PLXDC2: variants seen among roughly 807,000 people sequenced by gnomAD.
PLXDC2 encodes the protein plexin domain-containing protein 2.
A neutral mutation model predicts 68.9 loss-of-function variants in PLXDC2; 40 were observed. The observed-to-expected ratio is 0.58, with a 90% CI of 0.45 to 0.76. The LOEUF is 0.76. Ranked by LOEUF, PLXDC2 falls within the 30% of genes least tolerant of loss-of-function variation. PLXDC2 has a pLI of 0.00. For missense variants in PLXDC2, 644 were observed against 661.9 expected (o/e 0.97, Z 0.30); for synonymous variants, 243 against 234.2 (o/e 1.04, Z -0.34).
intron 1 of PLXDC2, among the ~76,000 whole-genome samples, chr10:19,927,300 A>G (rs1192761850): frequency 6.6e-6 from 1 of 152,162 alleles, no homozygotes; most frequent in East Asian, 1.9e-4. Context: ...GACAACACCT[A>G]GGAGATCCCG....
intron 4 of PLXDC2, among the ~76,000 whole-genome samples, chr10:20,089,169 CGTGTGTGTGT>C (rs34167804): frequency 0.075 from 10,657 of 142,608 alleles, 790 homozygotes; most frequent in African/African-American, 0.19. Flanking sequence ...CCTGTATATA[CGTGTGTGTGT>C]GTGTGTGTGT....
At chr10:20,248,307 T>A (rs547999955) in intron 13 of PLXDC2, among the ~76,000 whole-genome samples, 2 of 152,228 alleles carry the variant, frequency 1.3e-5, no homozygotes, top group South Asian at 4.1e-4. Flanking sequence ...TGTCCATAGG[T>A]GTGGAGTGTT....
intron 10 of PLXDC2, among the ~76,000 whole-genome samples, chr10:20,212,620 T>C (rs1835083829): frequency 6.6e-6 from 1 of 152,176 alleles, no homozygotes; most frequent in African/African-American, 2.4e-5. Flanking sequence ...AATGCTGTTT[T>C]AAAAACTATT....
chr10:19,943,320 C>G (rs1462990616), intron 1 of PLXDC2, among the ~76,000 whole-genome samples: 5 of 151,860 alleles, frequency 3.3e-5, no homozygotes, highest in Non-Finnish European at 5.9e-5. Flanking sequence ...GTAATAGATG[C>G]TAAATTTAAG....
chr10:20,285,934 C>G lies in PLXDC2; in HGVS notation c.*6115C>G, dbSNP rs1483978378. On this transcript the variant is annotated 3_prime_UTR_variant, in exon 14 of 14. Coordinates refer to ENST00000377252, the MANE Select transcript of PLXDC2 (RefSeq NM_032812.9). ...TTCTTAAGGTTTTGATTAAGTTGATCTAGCCTCAACTTAAATTGTAATACA... is the reference window on the plus strand; with the variant it reads ...TTCTTAAGGTTTTGATTAAGTTGATGTAGCCTCAACTTAAATTGTAATACA... 6.6e-6 allele frequency: 1 copy of G among 152,196 alleles called. No homozygotes were observed. Among genetic ancestry groups the G allele is most frequent in the Non-Finnish European group, 1.5e-5 (1 of 68,034 alleles). The allele number at this position is 152,196 out of a possible 1,614,324, so 9.4% of individuals were successfully genotyped here.
intron 4 of PLXDC2, among the ~76,000 whole-genome samples, chr10:20,118,204 T>C (rs147738775): frequency 6.6e-6 from 1 of 152,060 alleles, no homozygotes; most frequent in African/African-American, 2.4e-5. Flanking sequence ...TTTTCTCAAA[T>C]AGGGTGAGTT....
At chr10:19,856,288 T>G (rs2131330822) in intron 1 of PLXDC2, among the ~76,000 whole-genome samples, 1 of 152,148 alleles carries the variant, frequency 6.6e-6, no homozygotes, top group African/African-American at 2.4e-5. Context: ...GCTTTTAGGC[T>G]TTGGCATGAT....
chr10:20,122,792 G>C lies in PLXDC2; in HGVS notation c.542-20503G>C, dbSNP rs1833717605. On this transcript the variant is annotated intron_variant, in intron 4 of 13. Transcript: ENST00000377252. ...TTGAAGGCGAGGTTAATTAAATCCT[G>C]TTGTGGGGTTTGAGGGCCGGAATTT... Among the ~76,000 whole-genome samples, 5 of 152,264 alleles carry C rather than the reference G, an allele frequency of 3.3e-5. No individual in the cohort carries two copies. The South Asian group carries it at 1.0e-3, about 32-fold the overall frequency.
chr10:20,066,690 A>C (rs2131705025), intron 3 of PLXDC2, among the ~76,000 whole-genome samples: 1 of 152,300 alleles, frequency 6.6e-6, no homozygotes, highest in African/African-American at 2.4e-5. Context: ...TAAAAAGAAA[A>C]CCTAATTGAA....
chr10:19,905,778 C>T (rs1025880552), intron 1 of PLXDC2, among the ~76,000 whole-genome samples: 5 of 151,986 alleles, frequency 3.3e-5, no homozygotes, highest in African/African-American at 7.2e-5. Context: ...TTCCTGGTGT[C>T]GTTGGATATA....
At chr10:19,936,840 T>C (rs953445090) in intron 1 of PLXDC2, among the ~76,000 whole-genome samples, 6 of 152,226 alleles carry the variant, frequency 3.9e-5, no homozygotes, top group African/African-American at 1.2e-4. Flanking sequence ...CTCATCTGCA[T>C]TGAGGATATG....
At chr10:19,864,504 C>A (rs942447287) in intron 1 of PLXDC2, among the ~76,000 whole-genome samples, 1 of 151,918 alleles carries the variant, frequency 6.6e-6, no homozygotes, top group Non-Finnish European at 1.5e-5. Flanking sequence ...ATTTGAAAAT[C>A]AAAAATGGAA....
At chr10:20,257,792 C>T (rs1216799224) in intron 13 of PLXDC2, among the ~76,000 whole-genome samples, 1 of 152,040 alleles carries the variant, frequency 6.6e-6, no homozygotes, top group African/African-American at 2.4e-5. Flanking sequence ...ATGTCCTTTT[C>T]ACAAATTTCT....
chr10:19,976,677 A>T (rs1834461851), intron 1 of PLXDC2, among the ~76,000 whole-genome samples: 1 of 151,712 alleles, frequency 6.6e-6, no homozygotes, highest in Non-Finnish European at 1.5e-5. Flanking sequence ...CAGTCTGGAA[A>T]CTCATCATTG....
chr10:20,093,921 G>A (rs995284492), intron 4 of PLXDC2, among the ~76,000 whole-genome samples: 3 of 151,860 alleles, frequency 2.0e-5, no homozygotes, highest in Admixed American at 6.6e-5. Context: ...GCGATCTGCC[G>A]GACTTGGCTT....
chr10:20,251,729 G>A (rs1390604009), intron 13 of PLXDC2, among the ~76,000 whole-genome samples: 1 of 152,024 alleles, frequency 6.6e-6, no homozygotes, highest in African/African-American at 2.4e-5. Flanking sequence ...GGACTATAAC[G>A]AAATAGTTTA....
chr10:19,847,963 G>A (rs562858678), intron 1 of PLXDC2, among the ~76,000 whole-genome samples: 4 of 152,182 alleles, frequency 2.6e-5, no homozygotes, highest in South Asian at 2.1e-4. Flanking sequence ...CCGATTGCTA[G>A]GCAGTTAGAT....
intron 1 of PLXDC2, among the ~76,000 whole-genome samples, chr10:19,844,738 G>A (rs1173738859): frequency 1.3e-5 from 2 of 151,956 alleles, no homozygotes; most frequent in African/African-American, 4.8e-5. Flanking sequence ...TGGGACTACA[G>A]GCGCGCATCA....
chr10:19,983,598 C>T (rs765448625), intron 1 of PLXDC2, among the ~76,000 whole-genome samples: 2 of 152,144 alleles, frequency 1.3e-5, no homozygotes, highest in Admixed American at 1.3e-4. Context: ...AACTAACGCC[C>T]CAGTGAGATA....
Sources: gnomAD v4.1 joint callset for allele counts (sites outside exome capture counted in the v4.1 genomes callset) on GRCh38, gnomAD v4.1.1 for gene constraint, MANE v1.5 for transcripts, NCBI Gene and HGNC (gene_info 2026-07-23, HGNC 2026-07-21) for gene names.